XKR4: variants seen among roughly 807,000 people sequenced by gnomAD.
XKR4 encodes XK related 4, also known as XK-related protein 4.
A neutral mutation model predicts 53.9 loss-of-function variants in XKR4; 12 were observed. The ratio of observed to expected loss-of-function variants is 0.22; its 90% confidence interval spans 0.14 to 0.36. The LOEUF (loss-of-function observed/expected upper bound fraction) is 0.36. Ranked by LOEUF, XKR4 falls within the 10% of genes least tolerant of loss-of-function variation. XKR4 has a pLI of 1.00. For missense variants in XKR4, 799 were observed against 859.5 expected, an observed-to-expected ratio of 0.93 and a Z score of 0.88; for synonymous variants, 354 against 362.4, an observed-to-expected ratio of 0.98 and a Z score of 0.26.
intron 2 of XKR4, among the ~76,000 whole-genome samples, chr8:55,428,467 C>T (rs1323559752): frequency 1.3e-5 from 2 of 152,204 alleles, no homozygotes; most frequent in African/African-American, 2.4e-5. Flanking sequence ...CCACAGAAAA[C>T]ACTTCCCACC....
At chr8:55,501,411 G>C (rs138944062) in intron 2 of XKR4, among the ~76,000 whole-genome samples, 1 of 151,992 alleles carries the variant, frequency 6.6e-6, no homozygotes, top group African/African-American at 2.4e-5. Context: ...GAAATGTTTC[G>C]TCTTCCCAAA....
intron 1 of XKR4, among the ~76,000 whole-genome samples, chr8:55,121,499 G>A (rs941985870): frequency 1.3e-5 from 2 of 152,130 alleles, no homozygotes; most frequent in Middle Eastern, 3.2e-3. Context: ...TAGAATTTAT[G>A]CTTTATAGTA....
In XKR4 at chr8:55,202,824, AT is replaced by A. The variant is rs762184303; in HGVS notation, c.806+99535del. On this transcript the variant is annotated intron_variant, in intron 1 of 2. Coordinates refer to ENST00000327381, the MANE Select transcript of XKR4 (RefSeq NM_052898.2). Reference sequence around the variant, plus strand: ...AAGTCAAAGGCTCAAAGGCAAACTTATTTTTCAAGGTCCAAAAGAGCAACCT... The same window carrying A: ...AAGTCAAAGGCTCAAAGGCAAACTTATTTTCAAGGTCCAAAAGAGCAACCT... Among the ~76,000 whole-genome samples the A allele has an allele frequency of 1.1e-3, 168 of 152,318 alleles. 1 individual carries two copies. Among genetic ancestry groups the A allele is most frequent in the Middle Eastern group, 3.4e-3 (1 of 294 alleles).
intron 1 of XKR4, among the ~76,000 whole-genome samples, chr8:55,112,791 A>G (rs1816251990): frequency 6.6e-6 from 1 of 151,982 alleles, no homozygotes; most frequent in African/African-American, 2.4e-5. Context: ...CCAGCTCATT[A>G]ATTAACTTCC....
At chr8:55,119,721 C>T (rs140058961) in intron 1 of XKR4, among the ~76,000 whole-genome samples, 1 of 152,230 alleles carries the variant, frequency 6.6e-6, no homozygotes, top group East Asian at 1.9e-4. Flanking sequence ...CTGTACTCTT[C>T]AGAGGTGGGG....
intron 1 of XKR4, among the ~76,000 whole-genome samples, chr8:55,158,632 G>T (rs1816940715): frequency 6.6e-6 from 1 of 152,160 alleles, no homozygotes; most frequent in South Asian, 2.1e-4. Context: ...ATAGTTCTGT[G>T]TTATACATTT....
chr8:55,324,020 C>A (rs1031309854), intron 1 of XKR4, among the ~76,000 whole-genome samples: 1 of 152,028 alleles, frequency 6.6e-6, no homozygotes, highest in Non-Finnish European at 1.5e-5. Context: ...TTGCCTTTAT[C>A]TTATATAGTA....
intron 2 of XKR4, among the ~76,000 whole-genome samples, chr8:55,513,625 T>G (rs1806663736): frequency 6.6e-6 from 1 of 152,168 alleles, no homozygotes; most frequent in South Asian, 2.1e-4. Flanking sequence ...TTCAAGAGGT[T>G]TATTCATGTC....
chr8:55,398,919 C>A (rs1030658394), intron 2 of XKR4, among the ~76,000 whole-genome samples: 2 of 152,164 alleles, frequency 1.3e-5, no homozygotes, highest in Admixed American at 1.3e-4. Flanking sequence ...GCATGTGGAG[C>A]TCTACAGATA....
intron 1 of XKR4, among the ~76,000 whole-genome samples, chr8:55,283,502 A>C (rs898697093): frequency 1.3e-5 from 2 of 152,230 alleles, no homozygotes; most frequent in African/African-American, 4.8e-5. Flanking sequence ...GTGATTTATA[A>C]ACTGTAAAGT....
At chr8:55,341,561 A>G (rs1403838770) in intron 1 of XKR4, among the ~76,000 whole-genome samples, 1 of 152,210 alleles carries the variant, frequency 6.6e-6, no homozygotes, top group Non-Finnish European at 1.5e-5. Context: ...ACTACTCTGC[A>G]ATGAAGAACT....
At chr8:55,487,991 T>G (rs1337367077) in intron 2 of XKR4, among the ~76,000 whole-genome samples, 6 of 152,224 alleles carry the variant, frequency 3.9e-5, no homozygotes, top group Non-Finnish European at 5.9e-5. Flanking sequence ...AACTCTGGAA[T>G]TTTAATCATT....
chr8:55,125,198 G>A (rs12546351), intron 1 of XKR4, among the ~76,000 whole-genome samples: 128,859 of 152,234 alleles, frequency 0.85, 54,636 homozygotes, highest in East Asian at 0.93. Context: ...TCTATTTGCA[G>A]TTATTATTAT....
chr8:55,464,199 T>G (rs1393405850), intron 2 of XKR4, among the ~76,000 whole-genome samples: 1 of 152,112 alleles, frequency 6.6e-6, no homozygotes, highest in East Asian at 1.9e-4. Context: ...ACCAATATCC[T>G]TGATGAACAT....
chr8:55,153,444 C>G (rs1816864871), intron 1 of XKR4, among the ~76,000 whole-genome samples: 1 of 152,096 alleles, frequency 6.6e-6, no homozygotes. Context: ...AACATATACA[C>G]CAACATTTCA....
chr8:55,298,964 G>A (rs138220584), intron 1 of XKR4, among the ~76,000 whole-genome samples: 16 of 152,094 alleles, frequency 1.1e-4, no homozygotes, highest in East Asian at 3.9e-4. Context: ...CAGGGCATTC[G>A]CACTGACACA....
At chr8:55,161,517 G>A (rs988779613) in intron 1 of XKR4, 1 of 455,822 alleles carries the variant, frequency 2.2e-6, no homozygotes, top group African/African-American at 2.0e-5. Flanking sequence ...AAACAGAAAA[G>A]GGCAGGATGA....
At chr8:55,522,052 T>C (rs1479488909) in intron 2 of XKR4, among the ~76,000 whole-genome samples, 1 of 152,204 alleles carries the variant, frequency 6.6e-6, no homozygotes, top group Non-Finnish European at 1.5e-5. Context: ...GCGATGCAGA[T>C]TGGCATACCA....
chr8:55,223,220 A>T (rs1004928652), intron 1 of XKR4, among the ~76,000 whole-genome samples: 1 of 152,220 alleles, frequency 6.6e-6, no homozygotes, highest in Non-Finnish European at 1.5e-5. Flanking sequence ...CCCGGGTCTG[A>T]TGTTCGCATA....
Sources: gnomAD v4.1 joint callset for allele counts (sites outside exome capture counted in the v4.1 genomes callset) on GRCh38, gnomAD v4.1.1 for gene constraint, MANE v1.5 for transcripts, NCBI Gene and HGNC (gene_info 2026-07-23, HGNC 2026-07-21) for gene names.